The following LASP1 variants were observed in gnomAD, a reference collection of about 807,000 sequenced individuals.
LASP1 encodes the protein LIM and SH3 domain protein 1.
Under a neutral mutation model 38.6 loss-of-function variants are expected in LASP1, and 10 were observed. That is an observed-to-expected ratio of 0.26 (90% CI 0.16 to 0.44). LASP1 has a LOEUF of 0.44. Among genes scored for constraint, LASP1 ranks in the 20% least tolerant of loss-of-function variants. The pLI is 1.00. For missense variants in LASP1, 243 were observed against 375.7 expected (o/e 0.65, Z 2.92); for synonymous variants, 132 against 140.8 (o/e 0.94, Z 0.44).
At chr17:38,872,042 C>T (rs1376214156) in intron 1 of LASP1, among the ~76,000 whole-genome samples, 1 of 152,060 alleles carries the variant, frequency 6.6e-6, no homozygotes, top group East Asian at 1.9e-4. Context: ...GCACTTGACC[C>T]GTATAAGGAA....
At chr17:38,893,673 A>G (rs1045130566) in intron 3 of LASP1, among the ~76,000 whole-genome samples, 2 of 152,068 alleles carry the variant, frequency 1.3e-5, no homozygotes, top group Non-Finnish European at 2.9e-5. Context: ...CTTTCCTCTC[A>G]TAGCTTTGCT....
At chr17:38,873,258 C>T (rs1039799799) in intron 1 of LASP1, among the ~76,000 whole-genome samples, 8 of 152,152 alleles carry the variant, frequency 5.3e-5, no homozygotes, top group African/African-American at 1.9e-4. Flanking sequence ...GAAGTCCTCA[C>T]AGCTGTGGTG....
Position 38,921,355 on chromosome 17 carries a change from G to T in LASP1, c.*2577G>T. 1 of 232,486 alleles carries T rather than the reference G, an allele frequency of 4.3e-6. No homozygotes were observed. The highest frequency in any genetic ancestry group is 8.5e-6 in the Non-Finnish European group (1 of 117,276). 14.4% of individuals were successfully genotyped at this position (232,486 alleles called of 1,614,324 possible). ...GTGGTGAGGAAAGTGCGTTCTCCCA[G>T]CACTGCCTCCTGTTTTCTCCCTCTC... On this transcript the variant is annotated 3_prime_UTR_variant, in exon 7 of 7. Transcript: ENST00000318008.
chr17:38,881,582 C>T (rs939168848), intron 2 of LASP1, among the ~76,000 whole-genome samples: 1 of 152,216 alleles, frequency 6.6e-6, no homozygotes, highest in South Asian at 2.1e-4. Flanking sequence ...CCTGGGTTTA[C>T]CAGGGTACAG....
Position 38,920,078 on chromosome 17 carries a change from G to A in LASP1, c.*1300G>A, listed in dbSNP as rs646097. The A allele has an allele frequency of 0.65, 350,854 of 536,504 alleles. 116,737 individuals are homozygous for A. The highest frequency in any genetic ancestry group is 0.8 in the Admixed American group (36,017 of 45,054). The allele number at this position is 536,504 out of a possible 1,614,324, so 33.2% of individuals were successfully genotyped here. A position where few individuals can be genotyped will look rare whatever the true frequency, so the allele number is the denominator to read the frequency against. On this transcript the variant is annotated 3_prime_UTR_variant, in exon 7 of 7. Coordinates refer to ENST00000318008, the MANE Select transcript of LASP1 (RefSeq NM_006148.4). ...TTCCTCCTTCCCCCCATCTCTGAGT[G>A]GAGGAAGCCCACCAATCTGCCCTTT...
At chr17:38,914,565 C>G (rs1231220479) in intron 5 of LASP1, 90 bp downstream of exon 5, 1 of 1,414,678 alleles carries the variant, frequency 7.1e-7, no homozygotes, top group East Asian at 2.3e-5. Flanking sequence ...ACAGATACAC[C>G]TTCCGGAGCC....
At chr17:38,908,508 G>C (rs1351878169) in intron 4 of LASP1, among the ~76,000 whole-genome samples, 6 of 152,216 alleles carry the variant, frequency 3.9e-5, no homozygotes, top group African/African-American at 1.4e-4. Flanking sequence ...GCGGATGCTG[G>C]GGTCGGTTGG....
At chr17:38,886,164 C>T (rs969844867) in intron 2 of LASP1, among the ~76,000 whole-genome samples, 1 of 151,982 alleles carries the variant, frequency 6.6e-6, no homozygotes, top group African/African-American at 2.4e-5. Context: ...CGCTCTCGCT[C>T]TCTCCTCACT....
rs770958142 is a variant in LASP1 at position 38,870,180 on chromosome 17, T to G, written c.-10T>G. ...GCTCAGGCGTCCCCGCCCCAGCTTT[T>G]CTCGGAACCATGAACCCCAACTGCG... On this transcript the variant is annotated 5_prime_UTR_variant, in exon 1 of 7. Coordinates refer to ENST00000318008, the MANE Select transcript of LASP1 (RefSeq NM_006148.4). The G allele has an allele frequency of 1.2e-6, 2 of 1,613,390 alleles. No homozygotes were observed. Among genetic ancestry groups the G allele is most frequent in the Non-Finnish European group, 1.7e-6 (2 of 1,179,760 alleles).
At chr17:38,915,199 A>G in intron 6 of LASP1, 53 bp downstream of exon 6, 1 of 1,426,664 alleles carries the variant, frequency 7.0e-7, no homozygotes, top group Non-Finnish European at 9.9e-7. Context: ...TCCTTCGGGA[A>G]GGCTTGGACA....
chr17:38,878,032 C>A (rs766592987), intron 1 of LASP1, 54 bp from the exon 2 acceptor site: 107 of 1,374,066 alleles, frequency 7.8e-5, no homozygotes, highest in Non-Finnish European at 1.1e-4. Context: ...GGGCCTGAGC[C>A]CCTTTTTCAG....
intron 4 of LASP1, among the ~76,000 whole-genome samples, chr17:38,900,807 C>T (rs887051076): frequency 5.3e-5 from 8 of 152,156 alleles, no homozygotes; most frequent in Non-Finnish European, 1.0e-4. Flanking sequence ...ATGCCTAGGG[C>T]GGGCACTCTA....
At chr17:38,873,171 G>A (rs1801240256) in intron 1 of LASP1, among the ~76,000 whole-genome samples, 1 of 152,134 alleles carries the variant, frequency 6.6e-6, no homozygotes, top group Non-Finnish European at 1.5e-5. Context: ...TCTGCTGCCA[G>A]TTCCCCTGGA....
At chr17:38,885,492 C>T (rs928279891) in intron 2 of LASP1, among the ~76,000 whole-genome samples, 1 of 152,220 alleles carries the variant, frequency 6.6e-6, no homozygotes, top group Non-Finnish European at 1.5e-5. Context: ...TGCAAACTCC[C>T]CAGAGCAGCT....
At chr17:38,874,804 A>T (rs1913714025) in intron 1 of LASP1, among the ~76,000 whole-genome samples, 1 of 152,066 alleles carries the variant, frequency 6.6e-6, no homozygotes, top group Admixed American at 6.6e-5. Flanking sequence ...TGATAGAAAT[A>T]GGTGCCATCC....
At position 38,914,415 on chromosome 17, in the gene LASP1, A is replaced by G. The variant is rs779434714; in HGVS notation, c.448A>G (p.Ser150Gly). ...AGAGCGTCGGGATTCACAGGACGGCAGCAGCTACCGGCGGCCCCTGGAGCA... is the reference window on the plus strand; with the variant it reads ...AGAGCGTCGGGATTCACAGGACGGCGGCAGCTACCGGCGGCCCCTGGAGCA... ...EPERRDSQDGSSYRRPLEQQQ... is the reference protein window; with the variant it reads ...EPERRDSQDGGSYRRPLEQQQ... The change falls in exon 5 of 7, where the codon AGC becomes GGC. Residue 150 changes from serine to glycine, a missense_variant. Coordinates refer to ENST00000318008, the MANE Select transcript of LASP1 (RefSeq NM_006148.4). The G allele has an allele frequency of 1.2e-6, 2 of 1,611,756 alleles. No individual in the cohort carries two copies. Among genetic ancestry groups the G allele is most frequent in the Non-Finnish European group, 1.7e-6 (2 of 1,179,924 alleles).
At chr17:38,900,255 C>CTG (rs1914603957) in intron 4 of LASP1, among the ~76,000 whole-genome samples, 1 of 150,634 alleles carries the variant, frequency 6.6e-6, no homozygotes, top group South Asian at 2.1e-4. Flanking sequence ...TAGCACACGC[C>CTG]TGTGGTCCTA....
chr17:38,870,108 C>T lies in LASP1; in HGVS notation c.-82C>T, dbSNP rs956391625. 2.0e-6 allele frequency: 3 copies of T among 1,515,194 alleles called. No individual in the cohort carries two copies. Among genetic ancestry groups the T allele is most frequent in the African/African-American group, 1.4e-5 (1 of 72,902 alleles). The allele number at this position is 1,515,194 out of a possible 1,614,324, so 93.9% of individuals were successfully genotyped here. The stretch of plus-strand genomic sequence containing the variant: ...TCGCTGCTGCCTGTGTAGTTGCAGC[C>T]GCGGCCGCCTCCCGCCAGCTCGCCT... On this transcript the variant is annotated 5_prime_UTR_variant, in exon 1 of 7. Coordinates refer to ENST00000318008, the MANE Select transcript of LASP1 (RefSeq NM_006148.4).
At chr17:38,894,201 A>T (rs1914423115) in intron 3 of LASP1, among the ~76,000 whole-genome samples, 1 of 152,128 alleles carries the variant, frequency 6.6e-6, no homozygotes, top group South Asian at 2.1e-4. Flanking sequence ...GAGCAGAGGC[A>T]GTGGCTTTGG....
Sources: gnomAD v4.1 joint callset for allele counts (sites outside exome capture counted in the v4.1 genomes callset) on GRCh38, gnomAD v4.1.1 for gene constraint, MANE v1.5 for transcripts, NCBI Gene and HGNC (gene_info 2026-07-23, HGNC 2026-07-21) for gene names.